The following CELA2A variants were observed in gnomAD, a reference collection of about 807,000 sequenced individuals.
CELA2A encodes the protein chymotrypsin-like elastase family member 2A.
In CELA2A, 31 loss-of-function variants were observed where a neutral mutation model predicts 35.3. That is an observed-to-expected ratio of 0.88 (90% CI 0.66 to 1.19). CELA2A has a LOEUF of 1.19. CELA2A is among the 50% of genes most tolerant of loss of function. The probability of loss-of-function intolerance (pLI) is 0.00; values close to 1 mark genes in which losing one functional copy is unlikely to be tolerated. For synonymous variants in CELA2A, 150 were observed against 149.8 expected (o/e 1.00, Z -0.01); for missense variants, 330 against 352.9 (o/e 0.94, Z 0.52).
intron 3 of CELA2A, chr1:15,462,173 T>C (rs1164434872): frequency 2.1e-6 from 1 of 470,116 alleles, no homozygotes; most frequent in Non-Finnish European, 4.4e-6. Context: ...GTCCGTGACC[T>C]CTGCTCATCA....
intron 7 of CELA2A, among the ~76,000 whole-genome samples, chr1:15,471,731 C>T (rs1409896704): frequency 2.0e-5 from 3 of 151,990 alleles, no homozygotes; most frequent in Non-Finnish European, 4.4e-5. Flanking sequence ...TTTAGGGGTT[C>T]GAAGGCCCCC....
intron 7 of CELA2A, among the ~76,000 whole-genome samples, chr1:15,470,128 G>A (rs1187621390): frequency 3.3e-5 from 5 of 152,286 alleles, no homozygotes; most frequent in South Asian, 4.1e-4. Context: ...GCCCGGTAAC[G>A]GGTTTCAGAA....
chr1:15,458,033 T>C (rs1326876201), intron 2 of CELA2A, among the ~76,000 whole-genome samples: 1 of 152,148 alleles, frequency 6.6e-6, no homozygotes, highest in Admixed American at 6.5e-5. Context: ...CATAAACAAA[T>C]ATAGTGAAAT....
intron 7 of CELA2A, among the ~76,000 whole-genome samples, chr1:15,468,677 G>T (rs1447208423): frequency 6.6e-6 from 1 of 152,090 alleles, no homozygotes. Flanking sequence ...AGGCACGGTG[G>T]TACATGCCTG....
intron 7 of CELA2A, among the ~76,000 whole-genome samples, chr1:15,469,165 G>A (rs1273786034): frequency 6.6e-6 from 1 of 152,078 alleles, no homozygotes. Context: ...GCGACAGAGC[G>A]AGACTCCATC....
chr1:15,462,452 T>C (rs746776370), intron 3 of CELA2A, among the ~76,000 whole-genome samples: 4 of 152,214 alleles, frequency 2.6e-5, no homozygotes, highest in Non-Finnish European at 4.4e-5. Context: ...TTTCTCTGTG[T>C]TCATCTCATT....
intron 5 of CELA2A, 116 bp from the exon 6 acceptor site, chr1:15,465,883 G>C: frequency 8.1e-7 from 1 of 1,233,638 alleles, no homozygotes; most frequent in Non-Finnish European, 1.2e-6. Flanking sequence ...AAACGTGGCT[G>C]TTCGCATGTT....
At chr1:15,464,597 G>A (rs892015840) in intron 5 of CELA2A, among the ~76,000 whole-genome samples, 5 of 152,120 alleles carry the variant, frequency 3.3e-5, no homozygotes, top group Admixed American at 1.3e-4. Flanking sequence ...ATCCACATAC[G>A]TACCCTCAAA....
At chr1:15,467,938 A>G (rs1708543243) in intron 7 of CELA2A, among the ~76,000 whole-genome samples, 1 of 151,886 alleles carries the variant, frequency 6.6e-6, no homozygotes, top group African/African-American at 2.4e-5. Flanking sequence ...AAAATCCAAA[A>G]AAAATTAGCC....
chr1:15,459,734 C>T (rs1341575996), intron 2 of CELA2A, among the ~76,000 whole-genome samples: 2 of 152,044 alleles, frequency 1.3e-5, no homozygotes, highest in East Asian at 1.9e-4. Context: ...TGTTTCCCTG[C>T]GGAAATAAGG....
Position 15,467,382 on chromosome 1 carries a change from T to A in CELA2A, c.640-4T>A. The A allele has an allele frequency of 6.2e-7, 1 of 1,612,830 alleles. No individual in the cohort carries two copies. Among genetic ancestry groups the A allele is most frequent in the Non-Finnish European group, 8.5e-7 (1 of 1,179,996 alleles). On this transcript the variant is annotated splice_polypyrimidine_tract_variant and splice_region_variant and intron_variant, in intron 6 of 7. Coordinates refer to ENST00000359621, the MANE Select transcript of CELA2A (RefSeq NM_033440.3). Reference sequence around the variant, plus strand: ...TACCTGCCTATAACTCTGGCCTTCCTCAGGGAGACTCTGGCGGGCCACTGA... The same window carrying A: ...TACCTGCCTATAACTCTGGCCTTCCACAGGGAGACTCTGGCGGGCCACTGA...
intron 5 of CELA2A, 68 bp downstream of exon 5, chr1:15,463,590 C>A (rs1708470765): frequency 6.2e-7 from 1 of 1,605,480 alleles, no homozygotes; most frequent in Non-Finnish European, 8.5e-7. Flanking sequence ...CCCTGTCTGG[C>A]CGGGGCCTCT....
At position 15,461,541 on chromosome 1, in the gene CELA2A, G is replaced by A. The variant is rs1480795569; in HGVS notation, c.130-20G>A. 1.1e-5 allele frequency: 18 copies of A among 1,611,874 alleles called. No individual in the cohort carries two copies. The highest frequency in any genetic ancestry group is 3.3e-5 in the Admixed American group (2 of 60,010). Reference sequence around the variant, plus strand: ...CTGCTCTTTCAAACCTAGCCACAGAGCTCCTTTGCTTCTCCCCAGGTCTCC... The same window carrying A: ...CTGCTCTTTCAAACCTAGCCACAGAACTCCTTTGCTTCTCCCCAGGTCTCC... On this transcript the variant is annotated intron_variant, in intron 2 of 7. Transcript: ENST00000359621.
chr1:15,471,896 A>T (rs1164674338), intron 7 of CELA2A, 94 bp from the exon 8 acceptor site: 87 of 1,507,446 alleles, frequency 5.8e-5, no homozygotes, highest in East Asian at 3.2e-4. Flanking sequence ...TGTAACTCAC[A>T]TGAGTAGCTT....
chr1:15,462,965 C>G, intron 4 of CELA2A, 104 bp downstream of exon 4: 1 of 1,497,668 alleles, frequency 6.7e-7, no homozygotes, highest in South Asian at 1.2e-5. Context: ...TCTGCTTCTT[C>G]TACAGGGAGG....
In CELA2A at chr1:15,467,237, T is replaced by C. The variant is rs1380943770; in HGVS notation, c.640-149T>C. The stretch of plus-strand genomic sequence containing the variant: ...GAATAAGTGTTGGCTCTTGTTGGAA[T>C]TATGGTACCACCTTGGGCTATGACC... On this transcript the variant is annotated intron_variant, in intron 6 of 7. Transcript: ENST00000359621. The C allele has an allele frequency of 1.7e-5, 13 of 746,768 alleles. No homozygotes were observed. In the East Asian group the frequency reaches 3.5e-4, roughly 20 times the overall value. 46.3% of individuals were successfully genotyped at this position (746,768 alleles called of 1,614,324 possible).
intron 2 of CELA2A, among the ~76,000 whole-genome samples, chr1:15,461,235 C>A (rs1287554913): frequency 6.6e-6 from 1 of 151,802 alleles, no homozygotes; most frequent in Non-Finnish European, 1.5e-5. Flanking sequence ...AGGGACACAG[C>A]CAAACCTTAT....
At chr1:15,469,558 T>G (rs1373258700) in intron 7 of CELA2A, among the ~76,000 whole-genome samples, 1 of 152,204 alleles carries the variant, frequency 6.6e-6, no homozygotes, top group African/African-American at 2.4e-5. Context: ...AGCAGGTGGC[T>G]GCTTCCAAGT....
At position 15,466,367 on chromosome 1, in the gene CELA2A, G is replaced by C. The variant is rs544352659; in HGVS notation, c.639+223G>C. 1.8e-4 allele frequency among the ~76,000 whole-genome samples: 28 copies of C among 152,228 alleles called. 1 individual carries two copies. In the South Asian group the frequency reaches 5.6e-3, roughly 30 times the overall value. On this transcript the variant is annotated intron_variant, in intron 6 of 7. Coordinates refer to ENST00000359621, the MANE Select transcript of CELA2A (RefSeq NM_033440.3). Reference sequence around the variant, plus strand: ...ACTTGAGGTCAGCAGTTCAAGACCAGCCTGGCCAACATGGTGAAACCTTGT... The same window carrying C: ...ACTTGAGGTCAGCAGTTCAAGACCACCCTGGCCAACATGGTGAAACCTTGT...
Sources: gnomAD v4.1 joint callset for allele counts (sites outside exome capture counted in the v4.1 genomes callset) on GRCh38, gnomAD v4.1.1 for gene constraint, MANE v1.5 for transcripts, NCBI Gene and HGNC (gene_info 2026-07-23, HGNC 2026-07-21) for gene names.